STON2: variants seen among roughly 807,000 people sequenced by gnomAD.
The protein encoded by STON2 is stonin-2.
Under a neutral mutation model 65.7 loss-of-function variants are expected in STON2, and 29 were observed. The observed-to-expected ratio is 0.44, with a 90% CI of 0.33 to 0.60. The LOEUF is 0.60. Ranked by LOEUF, STON2 falls within the 20% of genes least tolerant of loss-of-function variation. The pLI, the probability that STON2 is intolerant of heterozygous loss-of-function variation, is 0.03. For missense variants in STON2, 1,054 were observed against 1,118.1 expected, an observed-to-expected ratio of 0.94 and a Z score of 0.82; for synonymous variants, 404 against 414.2, an observed-to-expected ratio of 0.98 and a Z score of 0.30.
upstream of STON2, among the ~76,000 whole-genome samples, chr14:81,401,022 C>A (rs769792672): frequency 2.0e-5 from 3 of 152,190 alleles, no homozygotes; most frequent in African/African-American, 7.2e-5. Context: ...CATTCCAAAC[C>A]AATGTTAGCC....
chr14:81,269,879 T>C, intron 7 of STON2: 1 of 985,410 alleles, frequency 1.0e-6, no homozygotes, highest in African/African-American at 1.7e-5. Flanking sequence ...ACCCTGTTAC[T>C]ATTATAAACA....
chr14:81,287,315 T>C (rs1017553400), intron 5 of STON2, among the ~76,000 whole-genome samples: 1 of 152,214 alleles, frequency 6.6e-6, no homozygotes, highest in Non-Finnish European at 1.5e-5. Flanking sequence ...CGCCAGAGGA[T>C]AAGTGTATTC....
At chr14:81,391,724 C>T (rs1464035689) in intron 3 of STON2, among the ~76,000 whole-genome samples, 1 of 152,174 alleles carries the variant, frequency 6.6e-6, no homozygotes, top group African/African-American at 2.4e-5. Context: ...CCTTGGGTTT[C>T]CAGGTTAGAA....
chr14:81,408,315 C>A (rs1355643335), intron 2 of STON2, among the ~76,000 whole-genome samples: 1 of 152,168 alleles, frequency 6.6e-6, no homozygotes, highest in Non-Finnish European at 1.5e-5. Flanking sequence ...GGAGACCACC[C>A]AATCTTCTTC....
At chr14:81,325,936 T>TA (rs541595414) in intron 4 of STON2, among the ~76,000 whole-genome samples, 104 of 144,758 alleles carry the variant, frequency 7.2e-4, no homozygotes, top group African/African-American at 1.5e-3. Context: ...CTCTACGGGT[T>TA]AAAAAAAAAA....
intron 4 of STON2, among the ~76,000 whole-genome samples, chr14:81,328,535 G>A (rs1897082603): frequency 6.6e-6 from 1 of 152,128 alleles, no homozygotes; most frequent in East Asian, 1.9e-4. Flanking sequence ...TTGGCCTGAG[G>A]TGCTCTGAGG....
At chr14:81,311,247 G>A (rs557124685) in intron 5 of STON2, among the ~76,000 whole-genome samples, 1 of 152,296 alleles carries the variant, frequency 6.6e-6, no homozygotes, top group African/African-American at 2.4e-5. Context: ...CAGGAGAAGA[G>A]TATGGGAATA....
intron 3 of STON2, among the ~76,000 whole-genome samples, chr14:81,383,458 T>C (rs1435944700): frequency 1.3e-5 from 2 of 152,230 alleles, no homozygotes; most frequent in African/African-American, 4.8e-5. Flanking sequence ...TCTGGGTCTC[T>C]AACTTTACAT....
intron 3 of STON2, among the ~76,000 whole-genome samples, chr14:81,389,574 G>C (rs911366832): frequency 6.6e-6 from 1 of 152,178 alleles, no homozygotes; most frequent in Non-Finnish European, 1.5e-5. Flanking sequence ...CAAAAAGCAC[G>C]AGAGGGCCAT....
At chr14:81,374,990 C>T (rs1899183295) in intron 3 of STON2, among the ~76,000 whole-genome samples, 1 of 152,096 alleles carries the variant, frequency 6.6e-6, no homozygotes, top group Admixed American at 6.5e-5. Flanking sequence ...AGAGAAAATA[C>T]ACATTACCTT....
chr14:81,396,751 T>A (rs200419290), intron 2 of STON2, among the ~76,000 whole-genome samples: 2 of 32,048 alleles, frequency 6.2e-5, no homozygotes, highest in Admixed American at 3.5e-4. Flanking sequence ...CCTTCAAAAA[T>A]TTTTTTTTTG....
At chr14:81,355,936 A>G (rs1285240036) in intron 4 of STON2, among the ~76,000 whole-genome samples, 2 of 152,114 alleles carry the variant, frequency 1.3e-5, no homozygotes, top group Non-Finnish European at 2.9e-5. Context: ...CTAGATATAC[A>G]ATCATGTCGT....
chr14:81,371,240 A>G, intron 3 of STON2, 55 bp from the exon 4 acceptor site: 1 of 1,514,338 alleles, frequency 6.6e-7, no homozygotes, highest in Non-Finnish European at 9.1e-7. Context: ...TACTTTGTTT[A>G]TCTTTAGTGC....
chr14:81,379,028 T>C (rs979081330), intron 3 of STON2, among the ~76,000 whole-genome samples: 3 of 152,160 alleles, frequency 2.0e-5, no homozygotes, highest in African/African-American at 7.2e-5. Context: ...ATCATATTTA[T>C]GATCAGAGCC....
intron 4 of STON2, among the ~76,000 whole-genome samples, chr14:81,354,754 C>T (rs1351048324): frequency 6.6e-6 from 1 of 152,138 alleles, no homozygotes; most frequent in Non-Finnish European, 1.5e-5. Context: ...CACGGTGGCT[C>T]ACGCCTGTAA....
At chr14:81,318,277 C>T (rs953096381) in intron 5 of STON2, among the ~76,000 whole-genome samples, 4 of 152,034 alleles carry the variant, frequency 2.6e-5, no homozygotes, top group African/African-American at 9.7e-5. Context: ...GTTTCTTTCC[C>T]TTCAAAATTC....
chr14:81,431,039 T>A (rs1329050894), intron 1 of STON2, among the ~76,000 whole-genome samples: 1 of 152,074 alleles, frequency 6.6e-6, no homozygotes, highest in Non-Finnish European at 1.5e-5. Flanking sequence ...ATAGAATAGA[T>A]CAAGTGAAGG....
chr14:81,307,160 A>G (rs1339030488), intron 5 of STON2, among the ~76,000 whole-genome samples: 2 of 152,214 alleles, frequency 1.3e-5, no homozygotes, highest in Non-Finnish European at 2.9e-5. Context: ...AACAAGAGAA[A>G]TTTAAAAAAC....
At chr14:81,374,229 G>T (rs1350222662) in intron 3 of STON2, among the ~76,000 whole-genome samples, 1 of 150,430 alleles carries the variant, frequency 6.6e-6, no homozygotes, top group African/African-American at 2.5e-5. Context: ...TGGCCAGGCT[G>T]GTCTTGAATT....
Sources: gnomAD v4.1 joint callset for allele counts (sites outside exome capture counted in the v4.1 genomes callset) on GRCh38, gnomAD v4.1.1 for gene constraint, MANE v1.5 for transcripts, NCBI Gene and HGNC (gene_info 2026-07-23, HGNC 2026-07-21) for gene names.